The following ACOT7 variants were observed in gnomAD, a reference collection of about 807,000 sequenced individuals.
The protein encoded by ACOT7 is acyl-CoA thioesterase 7.
In ACOT7, 12 loss-of-function variants were observed where a neutral mutation model predicts 40.2. The observed-to-expected ratio is 0.30, with a 90% CI of 0.19 to 0.48. The LOEUF is 0.48. ACOT7 is among the 20% of genes least tolerant of loss of function. ACOT7 has a pLI of 0.99. For missense variants in ACOT7, 395 were observed against 530.8 expected (o/e 0.74, Z 2.51); for synonymous variants, 228 against 219.5 (o/e 1.04, Z -0.34).
intron 3 of ACOT7, among the ~76,000 whole-genome samples, chr1:6,334,541 C>A (rs1641048305): frequency 6.6e-6 from 1 of 152,260 alleles, no homozygotes; most frequent in East Asian, 1.9e-4. Flanking sequence ...CCAGGAACTT[C>A]CTTTCCTTCA....
At chr1:6,340,810 C>T (rs1023211144) in intron 2 of ACOT7, among the ~76,000 whole-genome samples, 7 of 151,902 alleles carry the variant, frequency 4.6e-5, no homozygotes, top group Admixed American at 1.3e-4. Context: ...CCGAGGTGGG[C>T]GGATCACATG....
intron 6 of ACOT7, among the ~76,000 whole-genome samples, chr1:6,315,695 G>C (rs532857519): frequency 6.8e-6 from 1 of 147,102 alleles, no homozygotes; most frequent in East Asian, 2.1e-4. Context: ...AGCTTGCAGT[G>C]AGCCGAGATC....
At chr1:6,307,466 C>T (rs1047214121) in intron 6 of ACOT7, among the ~76,000 whole-genome samples, 2 of 152,188 alleles carry the variant, frequency 1.3e-5, no homozygotes, top group African/African-American at 4.8e-5. Context: ...AGTGATGGTG[C>T]CTTGGAATAA....
rs1030020642 is a variant in ACOT7, at chr1:6,274,717, C to T, written c.1014+6385G>A. On this transcript the variant is annotated intron_variant, in intron 8 of 8. Transcript: ENST00000361521. This position sits in a 1 kb window ranked among gnomAD's most constrained non-coding sequence, Gnocchi z 5.9. The stretch of plus-strand genomic sequence containing the variant: ...CTTTCCACTAAAATGTGCCCCAACC[C>T]CCACACTCCACAGTGGCCTGTGGAG... Among the ~76,000 whole-genome samples, 5 of 152,230 alleles carry T rather than the reference C, an allele frequency of 3.3e-5. No individual in the cohort carries two copies. Among genetic ancestry groups the T allele is most frequent in the African/African-American group, 9.6e-5 (4 of 41,466 alleles).
rs1039724279 is a variant in ACOT7 at position 6,358,315 on chromosome 1, A to G, written c.144-8449T>C. ...TTCCAGCAGCACTTGCAGGCCCCCA[A>G]GCAGGACGGGGGAAGAGGCCAACAA... On this transcript the variant is annotated intron_variant, in intron 1 of 8. Transcript: ENST00000361521. The surrounding 1 kb of genome is among the most constrained non-coding windows in gnomAD (Gnocchi z 4.1). Among the ~76,000 whole-genome samples, 3 of 152,130 alleles carry G rather than the reference A, an allele frequency of 2.0e-5. No homozygotes were observed. The highest frequency in any genetic ancestry group is 2.1e-4 in the South Asian group (1 of 4,830).
At chr1:6,333,640 C>A in intron 3 of ACOT7, 72 bp from the exon 4 acceptor site, 1 of 1,483,576 alleles carries the variant, frequency 6.7e-7, no homozygotes. Flanking sequence ...AGGCACGTGG[C>A]AGGTGCTGCT....
intron 1 of ACOT7, among the ~76,000 whole-genome samples, chr1:6,370,281 T>C (rs1642103642): frequency 6.6e-6 from 1 of 152,116 alleles, no homozygotes; most frequent in Non-Finnish European, 1.5e-5. Context: ...CCTGTACAGC[T>C]TGCAGAACCA....
At chr1:6,342,767 T>C (rs1641310768) in intron 2 of ACOT7, among the ~76,000 whole-genome samples, 1 of 152,244 alleles carries the variant, frequency 6.6e-6, no homozygotes, top group African/African-American at 2.4e-5. Context: ...TTAAACCGTT[T>C]TCTGCATTTG....
Position 6,278,488 on chromosome 1 carries a change from A to T in ACOT7, c.1014+2614T>A, listed in dbSNP as rs1016771731. On this transcript the variant is annotated intron_variant, in intron 8 of 8. Coordinates refer to ENST00000361521, the MANE Select transcript of ACOT7 (RefSeq NM_007274.4). This position sits in a 1 kb window ranked among gnomAD's most constrained non-coding sequence, Gnocchi z 4.1. ...GGGTGGGCGTGGGCATGGGGGGAGTAGGGAGGAGCCAGCTGGGTTCCCAGA... is the reference window on the plus strand; with the variant it reads ...GGGTGGGCGTGGGCATGGGGGGAGTTGGGAGGAGCCAGCTGGGTTCCCAGA... Among the ~76,000 whole-genome samples the T allele has an allele frequency of 6.6e-6, 1 of 152,062 alleles. No individual in the cohort carries two copies. The highest frequency in any genetic ancestry group is 2.4e-5 in the African/African-American group (1 of 41,396).
chr1:6,283,949 C>T (rs1462491053), intron 7 of ACOT7, among the ~76,000 whole-genome samples: 1 of 152,070 alleles, frequency 6.6e-6, no homozygotes, highest in African/African-American at 2.4e-5. Context: ...CAGCTGAGAT[C>T]GCACCACTGC....
At position 6,306,228 on chromosome 1, in the gene ACOT7, G is replaced by A. The variant is rs1170406181; in HGVS notation, c.713-11248C>T. 1.0e-6 allele frequency: 1 copy of A among 979,626 alleles called. No homozygotes were observed. The highest frequency in any genetic ancestry group is 1.2e-6 in the Non-Finnish European group (1 of 826,940). 60.7% of individuals were successfully genotyped at this position (979,626 alleles called of 1,614,324 possible). A position where few individuals can be genotyped will look rare whatever the true frequency, so the allele number is the denominator to read the frequency against. On this transcript the variant is annotated intron_variant, in intron 6 of 8. Transcript: ENST00000361521. This position sits in a 1 kb window ranked among gnomAD's most constrained non-coding sequence, Gnocchi z 4.3. ...GGGGAGAGGGGGAGGGGGAGGGGGA[G>A]AGGGAGAGGACGTTCTTACGGTTCA...
At chr1:6,377,093 T>C (rs936668307) in intron 1 of ACOT7, among the ~76,000 whole-genome samples, 1 of 152,192 alleles carries the variant, frequency 6.6e-6, no homozygotes, top group Admixed American at 6.5e-5. Flanking sequence ...CAAATGCTGG[T>C]GAGGATGTGG....
intron 8 of ACOT7, among the ~76,000 whole-genome samples, chr1:6,279,973 C>A (rs537455626): frequency 6.6e-6 from 1 of 152,212 alleles, no homozygotes. Context: ...AGTGCATGTT[C>A]GCCCCAGAGA....
rs1311405036 is a variant in ACOT7, at chr1:6,274,737, G to A, written c.1014+6365C>T. On this transcript the variant is annotated intron_variant, in intron 8 of 8. Transcript: ENST00000361521. The surrounding 1 kb of genome is among the most constrained non-coding windows in gnomAD (Gnocchi z 5.9). ...CAACCCCCACACTCCACAGTGGCCT[G>A]TGGAGGTTCAGTCACCTGCCCAGCA... Among the ~76,000 whole-genome samples the A allele has an allele frequency of 6.6e-6, 1 of 152,208 alleles. No homozygotes were observed. The highest frequency in any genetic ancestry group is 1.5e-5 in the Non-Finnish European group (1 of 68,046).
chr1:6,324,975 C>A (rs563598229), intron 5 of ACOT7, among the ~76,000 whole-genome samples: 1 of 152,230 alleles, frequency 6.6e-6, no homozygotes, highest in African/African-American at 2.4e-5. Flanking sequence ...TCCTTACAGC[C>A]GGTGTCTGAC....
Position 6,306,257 on chromosome 1 carries a change from C to T in ACOT7, c.713-11277G>A. 1.0e-6 allele frequency: 1 copy of T among 984,540 alleles called. No homozygotes were observed. The highest frequency in any genetic ancestry group is 1.2e-6 in the Non-Finnish European group (1 of 829,812). 61.0% of individuals were successfully genotyped at this position (984,540 alleles called of 1,614,324 possible). ...GAGAGGACGTTCTTACGGTTCATGG[C>T]AAGACCTCAACCAAATACTCCATAT... is the stretch of plus-strand genomic sequence containing the variant. On this transcript the variant is annotated intron_variant, in intron 6 of 8. Coordinates refer to ENST00000361521, the MANE Select transcript of ACOT7 (RefSeq NM_007274.4). This position sits in a 1 kb window ranked among gnomAD's most constrained non-coding sequence, Gnocchi z 4.3.
chr1:6,370,934 C>T (rs1296037586), intron 1 of ACOT7, among the ~76,000 whole-genome samples: 1 of 152,018 alleles, frequency 6.6e-6, no homozygotes, highest in East Asian at 1.9e-4. Context: ...CCTCAGCCTC[C>T]TGAGTAGCTG....
chr1:6,269,359 C>T (rs538581574), intron 8 of ACOT7, among the ~76,000 whole-genome samples: 4 of 152,326 alleles, frequency 2.6e-5, no homozygotes, highest in African/African-American at 9.6e-5. Flanking sequence ...CCCCGGCCCT[C>T]GGCACAGCCT....
intron 1 of ACOT7, among the ~76,000 whole-genome samples, chr1:6,390,653 G>A (rs991403659): frequency 1.5e-4 from 22 of 151,082 alleles, no homozygotes; most frequent in African/African-American, 4.4e-4. Context: ...GCACACACAC[G>A]GGCCAGGCGC....
Sources: allele counts gnomAD v4.1 joint callset (sites outside exome capture counted in the v4.1 genomes callset), GRCh38; gene constraint gnomAD v4.1.1; non-coding constraint Gnocchi (gnomAD v3.1); transcripts MANE v1.5; gene names NCBI Gene and HGNC (gene_info 2026-07-23, HGNC 2026-07-21).